The following SLC3A2 variants were observed in gnomAD, a reference collection of about 807,000 sequenced individuals.
SLC3A2 encodes solute carrier family 3 member 2, also known as amino acid transporter heavy chain SLC3A2.
A neutral mutation model predicts 48.5 loss-of-function variants in SLC3A2; 32 were observed. The observed-to-expected ratio is 0.66, with a 90% CI of 0.50 to 0.89. The LOEUF (loss-of-function observed/expected upper bound fraction) is 0.89, where lower values mean the gene tolerates loss of function less well. Ranked by LOEUF, SLC3A2 falls within the 40% of genes least tolerant of loss-of-function variation. The pLI is 0.00. For missense variants in SLC3A2, 587 were observed against 680.7 expected (o/e 0.86, Z 1.53); for synonymous variants, 277 against 288.8 (o/e 0.96, Z 0.41).
At chr11:62,863,622 A>G (rs182898041) in intron 1 of SLC3A2, among the ~76,000 whole-genome samples, 65 of 152,300 alleles carry the variant, frequency 4.3e-4, no homozygotes, top group African/African-American at 1.5e-3. Context: ...TGCTCATGCA[A>G]TGTACTAATG....
chr11:62,870,412 G>A (rs138244590), intron 1 of SLC3A2, among the ~76,000 whole-genome samples: 2,996 of 149,018 alleles, frequency 0.02, 106 homozygotes, highest in African/African-American at 0.07. Context: ...TCTTGATCTC[G>A]TGACCTTGTG....
chr11:62,859,826 C>T (rs1000793318), intron 1 of SLC3A2, among the ~76,000 whole-genome samples: 1 of 152,180 alleles, frequency 6.6e-6, no homozygotes, highest in Non-Finnish European at 1.5e-5. Flanking sequence ...GAGCGGCTCA[C>T]GCCTGTAATC....
At chr11:62,886,552 A>G (rs1416455692) in intron 7 of SLC3A2, 1 of 151,724 alleles carries the variant, frequency 6.6e-6, no homozygotes, top group Non-Finnish European at 1.5e-5. Context: ...AGTAGCTGGG[A>G]TATGTACCAT....
At chr11:62,870,433 C>T (rs1414201201) in intron 1 of SLC3A2, among the ~76,000 whole-genome samples, 2 of 151,946 alleles carry the variant, frequency 1.3e-5, no homozygotes, top group African/African-American at 4.8e-5. Flanking sequence ...ATCCGCCCGC[C>T]TTGGCTTCCC....
At chr11:62,862,505 C>T (rs1050582553) in intron 1 of SLC3A2, among the ~76,000 whole-genome samples, 2 of 151,864 alleles carry the variant, frequency 1.3e-5, no homozygotes, top group African/African-American at 4.8e-5. Context: ...GAAAAAAGCC[C>T]TTCCTCCCTA....
At chr11:62,872,413 G>A (rs912718936) in intron 1 of SLC3A2, among the ~76,000 whole-genome samples, 1 of 152,156 alleles carries the variant, frequency 6.6e-6, no homozygotes, top group African/African-American at 2.4e-5. Context: ...TGTTCAGGAG[G>A]CTGAGGTGGG....
upstream of SLC3A2, among the ~76,000 whole-genome samples, chr11:62,877,084 A>T (rs1318010219): frequency 1.7e-5 from 2 of 118,866 alleles, no homozygotes; most frequent in African/African-American, 3.3e-5. Flanking sequence ...TTTTTGAGAG[A>T]TAGTCTTGCT....
chr11:62,870,022 C>T (rs1484630580), intron 1 of SLC3A2, among the ~76,000 whole-genome samples: 1 of 151,786 alleles, frequency 6.6e-6, no homozygotes, highest in African/African-American at 2.4e-5. Context: ...TTGTCTCGAA[C>T]TCCTGACCTT....
In SLC3A2 at chr11:62,888,182, C is replaced by T. The variant is rs140837769; in HGVS notation, c.1191C>T (p.Asp397=). 6.2e-6 allele frequency: 10 copies of T among 1,614,086 alleles called. No individual in the cohort carries two copies. In the African/African-American group the frequency reaches 1.1e-4, roughly 17 times the overall value. Residue 397 remains aspartate (D), a synonymous_variant, in exon 8 of 9, where the codon GAC becomes GAT. Transcript: ENST00000338663. The part of the protein sequence containing the change: ...VMLWDESSFP[D]IPGAVSANMT... Reference sequence around the variant, plus strand: ...TGTGGGATGAGTCCAGCTTCCCTGACATCCCAGGGGCTGTAAGTGCCAACA... The same window carrying T: ...TGTGGGATGAGTCCAGCTTCCCTGATATCCCAGGGGCTGTAAGTGCCAACA...
At chr11:62,885,704 G>A (rs1332247017) in intron 7 of SLC3A2, 96 bp downstream of exon 7, 30 of 1,370,458 alleles carry the variant, frequency 2.2e-5, no homozygotes, top group Non-Finnish European at 4.1e-6. Flanking sequence ...GCCTTGGGGT[G>A]AAAACGCGTT....
At chr11:62,878,954 G>T (rs1309688220), upstream of SLC3A2, among the ~76,000 whole-genome samples, 3 of 151,444 alleles carry the variant, frequency 2.0e-5, no homozygotes, top group Non-Finnish European at 4.4e-5. Context: ...TGTATTTTTA[G>T]TAGAGATGGG....
chr11:62,887,473 T>G (rs566309799), intron 7 of SLC3A2, among the ~76,000 whole-genome samples: 1 of 152,094 alleles, frequency 6.6e-6, no homozygotes, highest in African/African-American at 2.4e-5. Context: ...GAGGCCAAGG[T>G]GGGTGGATCA....
At chr11:62,870,006 C>G (rs1274675826) in intron 1 of SLC3A2, among the ~76,000 whole-genome samples, 1 of 151,312 alleles carries the variant, frequency 6.6e-6, no homozygotes, top group Non-Finnish European at 1.5e-5. Context: ...TGCTCTCTGG[C>G]CAGGCTTGTC....
In SLC3A2 at chr11:62,888,581, ACCT is replaced by A; in HGVS notation, c.1482_1484del (p.Leu496del). On this transcript the variant is annotated inframe_deletion, in exon 9 of 9. Coordinates refer to ENST00000338663, the MANE Select transcript of SLC3A2 (RefSeq NM_001013251.3). ...AGCGCCAGCCTGCCAGCCAAGGCTG[ACCT>A]CCTGCTCAGCACCCAGCCAGGCCGT... 1 of 1,613,630 alleles carries A rather than the reference ACCT, an allele frequency of 6.2e-7. No individual in the cohort carries two copies.
intron 2 of SLC3A2, chr11:62,882,362 TGGG>T: frequency 6.8e-6 from 2 of 294,976 alleles, no homozygotes; most frequent in Middle Eastern, 1.2e-3. Flanking sequence ...TAGGTTTTTT[TGGG>T]GGGGGGGAAT....
At chr11:62,877,868 G>T (rs1337561009), upstream of SLC3A2, among the ~76,000 whole-genome samples, 1 of 152,136 alleles carries the variant, frequency 6.6e-6, no homozygotes, top group Non-Finnish European at 1.5e-5. Context: ...AGAAGGAATT[G>T]ACTTCAGGCT....
chr11:62,883,856 C>T (rs7101685), intron 3 of SLC3A2: 4,090 of 404,752 alleles, frequency 0.01, 130 homozygotes, highest in African/African-American at 0.075. Context: ...ACAGTGTGTG[C>T]AGGACTGCCA....
At position 62,881,977 on chromosome 11, in the gene SLC3A2, A is replaced by G; in HGVS notation, c.509A>G (p.Asp170Gly). 1 of 1,614,166 alleles carries G rather than the reference A, an allele frequency of 6.2e-7. No individual in the cohort carries two copies. The highest frequency in any genetic ancestry group is 1.6e-4 in the Middle Eastern group (1 of 6,062). Residue 170 changes from aspartate to glycine, a missense_variant, in exon 2 of 9, where the codon GAT becomes GGT. Physicochemically the swap from Asp to Gly is moderately conservative, Grantham distance 94. Around this residue, in one of 3 missense-constraint regions of SLC3A2, gnomAD observed 409 missense variants for 446.7 expected, o/e 0.92. Coordinates refer to ENST00000338663, the MANE Select transcript of SLC3A2 (RefSeq NM_001013251.3). This position sits in a 1 kb window ranked among gnomAD's most constrained non-coding sequence, Gnocchi z 4.0. The part of the protein sequence containing the change: ...LGPIHKNQKD[D>G]VAQTDLLQID... ...CCAATTCACAAGAACCAGAAGGATG[A>G]TGTCGCTCAGACTGACTTGCTGCAG... is the stretch of plus-strand genomic sequence containing the variant.
intron 2 of SLC3A2, 33 bp downstream of exon 2, chr11:62,882,099 A>G: frequency 6.2e-7 from 1 of 1,612,892 alleles, no homozygotes; most frequent in Non-Finnish European, 8.5e-7. Flanking sequence ...GGAAACAGCT[A>G]GAAAGGACTT....
Sources: allele counts gnomAD v4.1 joint callset (sites outside exome capture counted in the v4.1 genomes callset), GRCh38; gene constraint gnomAD v4.1.1; regional missense constraint gnomAD v4.1.1; non-coding constraint Gnocchi (gnomAD v3.1); transcripts MANE v1.5; gene names NCBI Gene and HGNC (gene_info 2026-07-23, HGNC 2026-07-21).